Variants in RBFOX1 observed in about 807,000 individuals in gnomAD.
RBFOX1 encodes RNA binding fox-1 homolog 1.
RBFOX1 carries 8 observed loss-of-function variants against 57.7 expected under a neutral mutation model. That is an observed-to-expected ratio of 0.14 (90% CI 0.08 to 0.25). RBFOX1 has a LOEUF of 0.25. Among genes scored for constraint, RBFOX1 ranks in the 10% least tolerant of loss-of-function variants. The pLI is 1.00. For missense variants in RBFOX1, 611 were observed against 548.5 expected (o/e 1.11, Z -1.14); for synonymous variants, 326 against 222.4 (o/e 1.47, Z -4.15).
chr16:5,732,333 A>T (rs1364070482), intron 3 of RBFOX1, among the ~76,000 whole-genome samples: 4 of 152,212 alleles, frequency 2.6e-5, no homozygotes, highest in Non-Finnish European at 4.4e-5. Flanking sequence ...TCTTCATTAA[A>T]ATTACAGTAA....
intron 2 of RBFOX1, among the ~76,000 whole-genome samples, chr16:6,505,417 A>G (rs1301907847): frequency 1.3e-5 from 2 of 152,226 alleles, no homozygotes; most frequent in Admixed American, 6.5e-5. Context: ...TTTGGAAACA[A>G]AATGCTCCCA....
chr16:6,422,217 C>T (rs561657606), intron 2 of RBFOX1, among the ~76,000 whole-genome samples: 7 of 150,852 alleles, frequency 4.6e-5, no homozygotes, highest in South Asian at 2.1e-4. Flanking sequence ...CCACCACGCC[C>T]GACCACCTCT....
intron 3 of RBFOX1, among the ~76,000 whole-genome samples, chr16:5,635,785 C>A (rs75260797): frequency 6.7e-6 from 1 of 148,898 alleles, no homozygotes; most frequent in African/African-American, 2.6e-5. Context: ...GACTCAGATC[C>A]TGTTGATTTG....
At chr16:6,373,059 G>A (rs113013159) in intron 2 of RBFOX1, among the ~76,000 whole-genome samples, 156 of 151,540 alleles carry the variant, frequency 1.0e-3, no homozygotes, top group African/African-American at 3.6e-3. Context: ...TAGTTGGATG[G>A]AAGGATAGTT....
At chr16:5,692,315 C>T (rs969802391) in intron 3 of RBFOX1, among the ~76,000 whole-genome samples, 6 of 151,880 alleles carry the variant, frequency 4.0e-5, no homozygotes, top group Non-Finnish European at 8.8e-5. Flanking sequence ...GGCAACAAGC[C>T]AAGGAACTGC....
chr16:6,135,017 C>T (rs1226504415), intron 1 of RBFOX1, among the ~76,000 whole-genome samples: 1 of 152,054 alleles, frequency 6.6e-6, no homozygotes, highest in African/African-American at 2.4e-5. Context: ...CACTACAGGC[C>T]CCGGTGTATG....
intron 3 of RBFOX1, among the ~76,000 whole-genome samples, chr16:5,788,142 G>C (rs1301810635): frequency 6.6e-6 from 1 of 152,176 alleles, no homozygotes; most frequent in African/African-American, 2.4e-5. Flanking sequence ...CCTGGAGAGT[G>C]ACATCTGGCC....
At chr16:6,845,444 C>A (rs9940895) in intron 3 of RBFOX1, among the ~76,000 whole-genome samples, 1 of 152,044 alleles carries the variant, frequency 6.6e-6, no homozygotes, top group African/African-American at 2.4e-5. Flanking sequence ...AGAATCCTTT[C>A]CCCATTGCTT....
rs1280850931 is a variant in RBFOX1 at position 7,060,709 on chromosome 16, A to C, written c.27+8611A>C. Among the ~76,000 whole-genome samples, 3 of 152,294 alleles carry C rather than the reference A, an allele frequency of 2.0e-5. 1 individual carries two copies. In the South Asian group the frequency reaches 6.2e-4, roughly 32 times the overall value. On this transcript the variant is annotated intron_variant, in intron 4 of 15. Transcript: ENST00000550418. ...AGCAAGTAATTTCTGGGACTCCCCA[A>C]GGAGGGTGACATTTCCACGTATACA...
chr16:7,263,198 G>C (rs903892644), intron 4 of RBFOX1, among the ~76,000 whole-genome samples: 2 of 152,200 alleles, frequency 1.3e-5, no homozygotes, highest in Non-Finnish European at 2.9e-5. Flanking sequence ...CTTGATGGCA[G>C]AGCCGTGAGT....
At chr16:7,302,440 G>A (rs1054701975) in intron 4 of RBFOX1, among the ~76,000 whole-genome samples, 1 of 152,000 alleles carries the variant, frequency 6.6e-6, no homozygotes, top group Non-Finnish European at 1.5e-5. Flanking sequence ...TGAGGAGGAG[G>A]GGATATTTGG....
chr16:5,565,658 A>AAAT (rs1236928682), intron 2 of RBFOX1, among the ~76,000 whole-genome samples: 2 of 151,646 alleles, frequency 1.3e-5, no homozygotes, highest in Admixed American at 1.3e-4. Context: ...ATAAATAAAT[A>AAAT]AATAAATAAA....
chr16:5,432,184 C>G (rs546128914), intron 1 of RBFOX1, among the ~76,000 whole-genome samples: 1 of 152,254 alleles, frequency 6.6e-6, no homozygotes, highest in East Asian at 1.9e-4. Context: ...GTGTGGACAT[C>G]ACAACCATTA....
intron 4 of RBFOX1, among the ~76,000 whole-genome samples, chr16:7,178,186 C>A (rs578082979): frequency 3.9e-5 from 6 of 152,236 alleles, no homozygotes; most frequent in Non-Finnish European, 8.8e-5. Flanking sequence ...GCAAAGCCCA[C>A]CATGGGCATC....
At chr16:7,322,588 A>G (rs746622934) in intron 4 of RBFOX1, among the ~76,000 whole-genome samples, 2 of 152,310 alleles carry the variant, frequency 1.3e-5, no homozygotes, top group South Asian at 2.1e-4. Flanking sequence ...TCAACTCTCT[A>G]CAATGATGGG....
intron 3 of RBFOX1, among the ~76,000 whole-genome samples, chr16:6,748,720 G>T (rs1341090808): frequency 6.6e-6 from 1 of 152,184 alleles, no homozygotes; most frequent in East Asian, 1.9e-4. Flanking sequence ...TGTATGAACA[G>T]AAGTTATTTG....
At chr16:5,442,141 C>T (rs1223355916) in intron 1 of RBFOX1, among the ~76,000 whole-genome samples, 1 of 152,128 alleles carries the variant, frequency 6.6e-6, no homozygotes, top group African/African-American at 2.4e-5. Context: ...AAGCTCAGAC[C>T]AAGAAAACTT....
intron 3 of RBFOX1, among the ~76,000 whole-genome samples, chr16:5,712,399 G>C (rs1352565219): frequency 1.3e-5 from 2 of 152,186 alleles, no homozygotes; most frequent in African/African-American, 4.8e-5. Flanking sequence ...GCAGCTGGTT[G>C]GCATTACAGG....
chr16:6,192,794 G>T (rs546891157), intron 1 of RBFOX1, among the ~76,000 whole-genome samples: 1 of 152,238 alleles, frequency 6.6e-6, no homozygotes, highest in African/African-American at 2.4e-5. Flanking sequence ...AGCACAGGTT[G>T]TCATGCACTA....
Sources: gnomAD v4.1 joint callset for allele counts (sites outside exome capture counted in the v4.1 genomes callset) on GRCh38, gnomAD v4.1.1 for gene constraint, MANE v1.5 for transcripts, NCBI Gene and HGNC (gene_info 2026-07-23, HGNC 2026-07-21) for gene names.